ATRNL1: variants seen among roughly 807,000 people sequenced by gnomAD.
The protein encoded by ATRNL1 is attractin-like protein 1.
Under a neutral mutation model 182.7 loss-of-function variants are expected in ATRNL1, and 95 were observed. The ratio of observed to expected loss-of-function variants is 0.52; its 90% confidence interval spans 0.44 to 0.62. The LOEUF is 0.62. ATRNL1 is among the 20% of genes least tolerant of loss of function. ATRNL1 has a pLI of 0.00. For synonymous variants in ATRNL1, 576 were observed against 568.3 expected (o/e 1.01, Z -0.19); for missense variants, 1,471 against 1,679.5 (o/e 0.88, Z 2.17).
chr10:115,471,464 G>A (rs1365711407), intron 24 of ATRNL1, among the ~76,000 whole-genome samples: 1 of 150,880 alleles, frequency 6.6e-6, no homozygotes, highest in Admixed American at 6.7e-5. Flanking sequence ...TCCACCAATT[G>A]TGTGTAAGAA....
chr10:115,893,969 A>G (rs1442386622), intron 28 of ATRNL1, among the ~76,000 whole-genome samples: 4 of 152,188 alleles, frequency 2.6e-5, no homozygotes, highest in African/African-American at 9.7e-5. Flanking sequence ...TGGACCAAAA[A>G]AAAAAAATCT....
At chr10:115,474,093 G>A (rs1277683092) in intron 24 of ATRNL1, among the ~76,000 whole-genome samples, 2 of 151,018 alleles carry the variant, frequency 1.3e-5, no homozygotes, top group Non-Finnish European at 3.0e-5. Context: ...CCTTCCATCT[G>A]CTAACTTTGG....
At chr10:115,713,187 G>A (rs2134021258) in intron 26 of ATRNL1, among the ~76,000 whole-genome samples, 1 of 152,224 alleles carries the variant, frequency 6.6e-6, no homozygotes, top group Middle Eastern at 3.4e-3. Context: ...GAGTGACCTT[G>A]AGCTTGTGTT....
intron 28 of ATRNL1, among the ~76,000 whole-genome samples, chr10:115,880,755 T>C (rs1372236438): frequency 6.6e-6 from 1 of 152,238 alleles, no homozygotes; most frequent in African/African-American, 2.4e-5. Flanking sequence ...GGATTTTTCA[T>C]CCTGAGTCTT....
chr10:115,525,984 A>G (rs1554986467), intron 25 of ATRNL1, among the ~76,000 whole-genome samples: 1 of 152,080 alleles, frequency 6.6e-6, no homozygotes, highest in Non-Finnish European at 1.5e-5. Flanking sequence ...CTGTGATTTA[A>G]TCCCCCTAAT....
intron 24 of ATRNL1, among the ~76,000 whole-genome samples, chr10:115,469,800 C>T (rs1592703541): frequency 6.6e-6 from 1 of 150,428 alleles, no homozygotes; most frequent in East Asian, 1.9e-4. Context: ...CTAATCTGTA[C>T]TACATGTGTG....
At chr10:115,700,753 T>G (rs1350737282) in intron 26 of ATRNL1, among the ~76,000 whole-genome samples, 3 of 152,056 alleles carry the variant, frequency 2.0e-5, no homozygotes, top group African/African-American at 7.2e-5. Context: ...ACAAAAAGAC[T>G]TAACTATTCT....
chr10:115,885,573 A>T (rs1354632792), intron 28 of ATRNL1, among the ~76,000 whole-genome samples: 1 of 152,264 alleles, frequency 6.6e-6, no homozygotes, highest in Non-Finnish European at 1.5e-5. Context: ...CATCGTGGAA[A>T]GTTTGTAAAA....
intron 18 of ATRNL1, among the ~76,000 whole-genome samples, chr10:115,333,466 G>A (rs1366931245): frequency 6.7e-6 from 1 of 148,646 alleles, no homozygotes; most frequent in Non-Finnish European, 1.5e-5. Flanking sequence ...ACATATTTAT[G>A]CAAATTAATT....
chr10:115,168,737 A>G (rs1554884852), intron 7 of ATRNL1, among the ~76,000 whole-genome samples: 1 of 151,958 alleles, frequency 6.6e-6, no homozygotes, highest in Non-Finnish European at 1.5e-5. Flanking sequence ...ATTTGCAAAT[A>G]TTTTCACCCA....
chr10:115,618,584 ATTCT>A (rs1857559206), intron 26 of ATRNL1, among the ~76,000 whole-genome samples: 1 of 138,816 alleles, frequency 7.2e-6, no homozygotes, highest in Non-Finnish European at 1.6e-5. Context: ...AAGTTAGTAA[ATTCT>A]TTCTTCTCCT....
At chr10:115,276,668 T>A (rs1852119396) in intron 13 of ATRNL1, among the ~76,000 whole-genome samples, 1 of 152,242 alleles carries the variant, frequency 6.6e-6, no homozygotes, top group African/African-American at 2.4e-5. Context: ...GGTCAAACAA[T>A]GTGCTTTATT....
chr10:115,742,823 G>A (rs2960650), intron 27 of ATRNL1, among the ~76,000 whole-genome samples: 148,188 of 152,206 alleles, frequency 0.97, 72,257 homozygotes, highest in Middle Eastern at 1. Flanking sequence ...ACCTTGCTCA[G>A]AATTCCCCAA....
chr10:115,732,369 G>A (rs1296124085), intron 27 of ATRNL1, among the ~76,000 whole-genome samples: 4 of 152,050 alleles, frequency 2.6e-5, no homozygotes, highest in Admixed American at 2.6e-4. Flanking sequence ...ACACTATCTT[G>A]ATGACTCTAC....
At chr10:115,770,047 A>G (rs550455252) in intron 27 of ATRNL1, among the ~76,000 whole-genome samples, 1 of 152,002 alleles carries the variant, frequency 6.6e-6, no homozygotes, top group African/African-American at 2.4e-5. Flanking sequence ...TCTTAATTTT[A>G]TATTCTCTTT....
intron 19 of ATRNL1, among the ~76,000 whole-genome samples, chr10:115,369,618 G>T (rs1306347096): frequency 6.6e-6 from 1 of 151,980 alleles, no homozygotes; most frequent in Non-Finnish European, 1.5e-5. Flanking sequence ...TCATATGAAA[G>T]GTCCATTTTC....
At chr10:115,856,987 A>G (rs1448222190) in intron 28 of ATRNL1, among the ~76,000 whole-genome samples, 2 of 152,128 alleles carry the variant, frequency 1.3e-5, no homozygotes, top group Non-Finnish European at 2.9e-5. Flanking sequence ...CTGAGACACC[A>G]AGACCAGCCT....
At position 115,132,746 on chromosome 10, in the gene ATRNL1, T is replaced by C. The variant is rs180769577; in HGVS notation, c.829+3211T>C. On this transcript the variant is annotated intron_variant, in intron 5 of 28. Transcript: ENST00000355044. ...AATGTCTTCTTTTGAGAAGTGTCTG[T>C]TCATATCCCTCACCCACTTTTTGAT... Among the ~76,000 whole-genome samples the C allele has an allele frequency of 3.6e-3, 546 of 152,344 alleles. 2 individuals are homozygous for C. Among genetic ancestry groups the C allele is most frequent in the African/African-American group, 0.013 (527 of 41,568 alleles).
At chr10:115,858,323 T>C (rs1951233384) in intron 28 of ATRNL1, among the ~76,000 whole-genome samples, 2 of 152,184 alleles carry the variant, frequency 1.3e-5, no homozygotes, top group Admixed American at 1.3e-4. Context: ...AAAGAAAATG[T>C]GGTGGTATAT....
Sources: allele counts gnomAD v4.1 joint callset (sites outside exome capture counted in the v4.1 genomes callset), GRCh38; gene constraint gnomAD v4.1.1; transcripts MANE v1.5; gene names NCBI Gene and HGNC (gene_info 2026-07-23, HGNC 2026-07-21).